Variants in TRPC1 observed in about 807,000 individuals in gnomAD.
TRPC1 encodes the protein transient receptor potential cation channel subfamily C member 1.
Under a neutral mutation model 88.2 loss-of-function variants are expected in TRPC1, and 42 were observed. The ratio of observed to expected loss-of-function variants is 0.48; its 90% confidence interval spans 0.37 to 0.62. The LOEUF is 0.62. Ranked by LOEUF, TRPC1 falls within the 20% of genes least tolerant of loss-of-function variation. TRPC1 has a pLI of 0.00. For missense variants in TRPC1, 699 were observed against 957.3 expected, an observed-to-expected ratio of 0.73 and a Z score of 3.56; for synonymous variants, 288 against 331.8, an observed-to-expected ratio of 0.87 and a Z score of 1.43.
In TRPC1 at chr3:142,785,041, G is replaced by C; in HGVS notation, c.1297+1G>C. 6.3e-7 allele frequency: 1 copy of C among 1,589,460 alleles called. No individual in the cohort carries two copies. The highest frequency in any genetic ancestry group is 8.6e-7 in the Non-Finnish European group (1 of 1,168,600). On this transcript the variant is annotated splice_donor_variant, in intron 7 of 12. Transcript: ENST00000476941. LOFTEE classifies it high-confidence loss of function. The stretch of plus-strand genomic sequence containing the variant: ...TATCTTCTTATTCTGTGGATTATTG[G>C]TAAGTATCAAGTTAGTTTGAAAGGT...
At chr3:142,800,912 T>TA (rs1250845993) in intron 9 of TRPC1, among the ~76,000 whole-genome samples, 8 of 142,804 alleles carry the variant, frequency 5.6e-5, no homozygotes, top group African/African-American at 1.6e-4. Context: ...GAGACTGTCT[T>TA]AAAAAGAAAG....
At chr3:142,782,308 T>TA (rs1432637602) in intron 6 of TRPC1, among the ~76,000 whole-genome samples, 1 of 152,162 alleles carries the variant, frequency 6.6e-6, no homozygotes, top group Admixed American at 6.5e-5. Flanking sequence ...TAATATTTGT[T>TA]AGTTGAAAGG....
intron 10 of TRPC1, 130 bp downstream of exon 10, chr3:142,802,474 T>C: frequency 1.7e-6 from 1 of 600,696 alleles, no homozygotes; most frequent in East Asian, 3.6e-5. Context: ...TCATAAACTT[T>C]AATAAATACT....
chr3:142,725,388 T>C (rs1204477845), intron 1 of TRPC1, among the ~76,000 whole-genome samples: 2 of 152,206 alleles, frequency 1.3e-5, no homozygotes, highest in Non-Finnish European at 2.9e-5. Flanking sequence ...TAGTGCTTTT[T>C]ATTGGAGAGA....
At chr3:142,746,729 C>A (rs569523809) in intron 3 of TRPC1, among the ~76,000 whole-genome samples, 1 of 152,080 alleles carries the variant, frequency 6.6e-6, no homozygotes, top group South Asian at 2.1e-4. Context: ...GTAATATAAA[C>A]TATTAAAAGG....
intron 1 of TRPC1, among the ~76,000 whole-genome samples, chr3:142,733,309 C>T (rs1047794443): frequency 6.6e-6 from 1 of 152,030 alleles, no homozygotes; most frequent in Non-Finnish European, 1.5e-5. Flanking sequence ...GTCAGGAGTT[C>T]GAGACCAGGC....
At chr3:142,781,737 GATAATA>G (rs938523614) in intron 6 of TRPC1, among the ~76,000 whole-genome samples, 2 of 151,980 alleles carry the variant, frequency 1.3e-5, no homozygotes, top group Admixed American at 6.6e-5. Flanking sequence ...TTCATATGTA[GATAATA>G]ATAATATCTA....
rs1052278906 is a variant in TRPC1 at position 142,804,438 on chromosome 3, T to C, written c.1962T>C (p.Asn654=). The C allele has an allele frequency of 2.5e-5, 40 of 1,608,978 alleles. No individual in the cohort carries two copies. The highest frequency in any genetic ancestry group is 3.3e-5 in the Non-Finnish European group (39 of 1,178,240). The part of the protein sequence containing the change: ...MLHKSFQLIA[N]HEDKEWKFAR... ...TTTTTAATTTGCCTTTTATATAGAA[T>C]CATGAAGACAAAGAATGGAAGTTTG... Residue 654 remains asparagine (N), a splice_region_variant and synonymous_variant, in exon 12 of 13, where the codon AAT becomes AAC. Coordinates refer to ENST00000476941, the MANE Select transcript of TRPC1 (RefSeq NM_001251845.2).
chr3:142,747,272 A>T (rs950670181), intron 3 of TRPC1, among the ~76,000 whole-genome samples: 6 of 152,326 alleles, frequency 3.9e-5, no homozygotes, highest in Middle Eastern at 3.4e-3. Flanking sequence ...GGGTATTTTT[A>T]AAATTCTTTC....
chr3:142,795,796 T>A (rs549876496), intron 9 of TRPC1, among the ~76,000 whole-genome samples: 1 of 152,166 alleles, frequency 6.6e-6, no homozygotes, highest in African/African-American at 2.4e-5. Flanking sequence ...AATACAAATA[T>A]ACCCAAAGGG....
At chr3:142,788,927 G>A (rs529125556) in intron 7 of TRPC1, among the ~76,000 whole-genome samples, 175 of 152,180 alleles carry the variant, frequency 1.1e-3, no homozygotes, top group Non-Finnish European at 1.9e-3. Context: ...TAACCAATTG[G>A]TCTTCACTGT....
chr3:142,781,067 C>T (rs1397547095), intron 6 of TRPC1, 38 bp downstream of exon 6: 1 of 1,522,348 alleles, frequency 6.6e-7, no homozygotes, highest in East Asian at 2.3e-5. Flanking sequence ...ATTATTTTCT[C>T]TACAGTAGTC....
chr3:142,732,832 T>C lies in TRPC1; in HGVS notation c.173-3547T>C, dbSNP rs1487132947. ...ACTTCGTTATAAAATGAATGGCATTTATATATTTGTCTGTCATACACAGGC... is the reference window on the plus strand; with the variant it reads ...ACTTCGTTATAAAATGAATGGCATTCATATATTTGTCTGTCATACACAGGC... On this transcript the variant is annotated intron_variant, in intron 1 of 12. Transcript: ENST00000476941. Among the ~76,000 whole-genome samples the C allele has an allele frequency of 2.6e-5, 4 of 152,352 alleles. No homozygotes were observed. The East Asian group carries it at 7.7e-4, about 29-fold the overall frequency.
At chr3:142,743,340 G>C (rs1336552211) in intron 2 of TRPC1, 145 bp from the exon 3 acceptor site, 2 of 564,226 alleles carry the variant, frequency 3.5e-6, no homozygotes, top group Non-Finnish European at 3.0e-6. Context: ...TGTACTATTT[G>C]TACAGTCAAA....
At chr3:142,775,130 A>G (rs773923907) in intron 4 of TRPC1, among the ~76,000 whole-genome samples, 1 of 152,202 alleles carries the variant, frequency 6.6e-6, no homozygotes, top group Non-Finnish European at 1.5e-5. Context: ...AATCCTTAAT[A>G]TACTTATTAA....
chr3:142,760,417 TG>T (rs1935143779), intron 4 of TRPC1, among the ~76,000 whole-genome samples: 2 of 152,150 alleles, frequency 1.3e-5, no homozygotes, highest in African/African-American at 4.8e-5. Context: ...TATGTGGGTC[TG>T]TATTATGTTC....
chr3:142,793,461 A>G (rs1055655992), intron 9 of TRPC1, among the ~76,000 whole-genome samples: 1 of 152,092 alleles, frequency 6.6e-6, no homozygotes, highest in Non-Finnish European at 1.5e-5. Flanking sequence ...CTTAGAGCTA[A>G]AAAATTTACA....
chr3:142,729,360 A>C (rs1335110809), intron 1 of TRPC1, among the ~76,000 whole-genome samples: 1 of 152,234 alleles, frequency 6.6e-6, no homozygotes, highest in Non-Finnish European at 1.5e-5. Context: ...TACTGAGTAC[A>C]TCCCTATCCT....
intron 10 of TRPC1, 99 bp from the exon 11 acceptor site, chr3:142,803,878 T>C (rs979753173): frequency 8.2e-7 from 1 of 1,224,196 alleles, no homozygotes; most frequent in Non-Finnish European, 1.1e-6. Context: ...TTTCATGGAT[T>C]ATCAATGTTT....
Sources: allele counts gnomAD v4.1 joint callset (sites outside exome capture counted in the v4.1 genomes callset), GRCh38; gene constraint gnomAD v4.1.1; transcripts MANE v1.5; gene names NCBI Gene and HGNC (gene_info 2026-07-23, HGNC 2026-07-21).